The following ADGRG1 variants were observed in gnomAD, a reference collection of about 807,000 sequenced individuals.
ADGRG1 encodes the protein adhesion G protein-coupled receptor G1, also known as 7-transmembrane protein with no EGF-like N-terminal domains-1.
In ADGRG1, 53 loss-of-function variants were observed where a neutral mutation model predicts 73.5. The ratio of observed to expected loss-of-function variants is 0.72; its 90% CI spans 0.58 to 0.91. The LOEUF (loss-of-function observed/expected upper bound fraction) is 0.91. ADGRG1 is among the 40% of genes least tolerant of loss of function. The pLI is 0.00. For missense variants in ADGRG1, 795 were observed against 871.8 expected (o/e 0.91, Z 1.11); for synonymous variants, 394 against 374.4 (o/e 1.05, Z -0.60).
intron 1 of ADGRG1, among the ~76,000 whole-genome samples, chr16:57,638,294 A>C (rs755869848): frequency 3.3e-5 from 5 of 152,160 alleles, no homozygotes; most frequent in Admixed American, 1.3e-4. Flanking sequence ...GGCTCACAGC[A>C]AGTCACATCC....
chr16:57,622,807 G>C (rs1195187768), upstream of ADGRG1: 1 of 985,350 alleles, frequency 1.0e-6, no homozygotes, highest in South Asian at 4.7e-5. Flanking sequence ...CTCAGGCAGC[G>C]GGGCACCCAG....
At chr16:57,627,002 C>T, upstream of ADGRG1, 1 of 985,302 alleles carries the variant, frequency 1.0e-6, no homozygotes, top group Non-Finnish European at 1.2e-6. Context: ...GGCCCAGTCC[C>T]CACTGTGCCT....
intron 1 of ADGRG1, chr16:57,630,930 G>A: frequency 1.0e-6 from 1 of 984,760 alleles, no homozygotes; most frequent in Non-Finnish European, 1.2e-6. Context: ...TCATTTCATG[G>A]GACTTGATGA....
At chr16:57,643,786 C>A (rs3785327) in intron 1 of ADGRG1, 100,992 of 983,650 alleles carry the variant, frequency 0.1, 5,844 homozygotes, top group East Asian at 0.38. Context: ...CTTGGACTTC[C>A]GTCACTCACT....
chr16:57,627,791 C>T (rs1456996663), upstream of ADGRG1: 1 of 985,456 alleles, frequency 1.0e-6, no homozygotes, highest in Non-Finnish European at 1.2e-6. Flanking sequence ...AGCCTCCTGA[C>T]TCGAGAAGGG....
chr16:57,640,931 G>A (rs1172836590), intron 1 of ADGRG1: 10 of 985,484 alleles, frequency 1.0e-5, no homozygotes, highest in Non-Finnish European at 1.2e-5. Context: ...CTTGGGCAAC[G>A]TGGGAACACA....
At chr16:57,656,675 C>A in intron 9 of ADGRG1, 58 bp downstream of exon 9, 2 of 1,030,862 alleles carry the variant, frequency 1.9e-6, no homozygotes, top group Non-Finnish European at 3.1e-6. Context: ...TTGTTCTGTG[C>A]AAGCACTTTT....
chr16:57,660,365 G>C (rs1479622839), intron 11 of ADGRG1: 1 of 984,954 alleles, frequency 1.0e-6, no homozygotes, highest in Non-Finnish European at 1.2e-6. Context: ...GCCCCCTCTA[G>C]GGAGCTTCTA....
chr16:57,631,685 T>TG (rs1220750442), intron 1 of ADGRG1: 5 of 917,008 alleles, frequency 5.5e-6, no homozygotes, highest in East Asian at 1.4e-4. Context: ...AGATGGCAAA[T>TG]GGGGGGCGGG....
chr16:57,658,873 GTGGGACTCCAGGA>G (rs1366091600), intron 10 of ADGRG1: 62 of 759,850 alleles, frequency 8.2e-5, no homozygotes, highest in Admixed American at 1.9e-4. Flanking sequence ...GCAGGGCAGG[GTGGGACTCCAGGA>G]TGGTGACACT....
At chr16:57,643,703 A>G in intron 1 of ADGRG1, 1 of 985,094 alleles carries the variant, frequency 1.0e-6, no homozygotes, top group Non-Finnish European at 1.2e-6. Context: ...AAAATTCCTG[A>G]AAACTGAAGT....
Position 57,647,871 on chromosome 16 carries a change from A to G in ADGRG1, c.-35-2382A>G, listed in dbSNP as rs974707363. 2.6e-5 allele frequency: 15 copies of G among 577,092 alleles called. No individual in the cohort carries two copies. In the Admixed American group the frequency reaches 3.8e-4, roughly 15 times the overall value. 35.7% of individuals were successfully genotyped at this position (577,092 alleles called of 1,614,324 possible). A position where few individuals can be genotyped will look rare whatever the true frequency, so the allele number is the denominator to read the frequency against. ...TTGTCGCTTCACTTGTTTCCTTCCA[A>G]TGATGGGGAGCTCTCTACCTGTACT... On this transcript the variant is annotated intron_variant, in intron 1 of 13. Coordinates refer to ENST00000562631, the MANE Select transcript of ADGRG1 (RefSeq NM_201525.4).
chr16:57,633,190 G>A, intron 1 of ADGRG1: 5 of 466,660 alleles, frequency 1.1e-5, no homozygotes, highest in Non-Finnish European at 1.1e-5. Context: ...CAGGGTTGCT[G>A]TGGAATTTGG....
At chr16:57,633,017 A>G in intron 1 of ADGRG1, 1 of 909,198 alleles carries the variant, frequency 1.1e-6, no homozygotes, top group Non-Finnish European at 1.3e-6. Flanking sequence ...TCCCGTCCCC[A>G]GGTCTCTGTC....
intron 1 of ADGRG1, chr16:57,647,276 T>C: frequency 1.0e-6 from 1 of 985,322 alleles, no homozygotes; most frequent in Non-Finnish European, 1.2e-6. Context: ...AACCTTCCAT[T>C]GCACTCTCCC....
rs1323677593 is a variant in ADGRG1 at position 57,659,473 on chromosome 16, G to A, written c.1347G>A (p.Leu449=). ...TGAACCTGCTGCTGGCCGTCTTCCT[G>A]CTGGACACGAGCTTCCTGCTCAGCG... The part of the protein sequence containing the change: ...VHMNLLLAVF[L]LDTSFLLSEP... Residue 449 remains leucine (L), a synonymous_variant, in exon 11 of 14, where the codon CTG becomes CTA. Coordinates refer to ENST00000562631, the MANE Select transcript of ADGRG1 (RefSeq NM_201525.4). The A allele has an allele frequency of 6.2e-7, 1 of 1,613,736 alleles. No homozygotes were observed. The highest frequency in any genetic ancestry group is 8.5e-7 in the Non-Finnish European group (1 of 1,179,984).
intron 1 of ADGRG1, among the ~76,000 whole-genome samples, chr16:57,637,054 C>T (rs2039537353): frequency 6.6e-6 from 1 of 152,072 alleles, no homozygotes; most frequent in South Asian, 2.1e-4. Flanking sequence ...ACGCAAAGAC[C>T]CTGAGGTGTG....
rs2044821328 is a variant in ADGRG1, at chr16:57,654,024, G to A, written c.659G>A (p.Arg220Lys). 2 of 1,614,010 alleles carry A rather than the reference G, an allele frequency of 1.2e-6. No homozygotes were observed. Among genetic ancestry groups the A allele is most frequent in the Non-Finnish European group, 1.7e-6 (2 of 1,180,034 alleles). The change falls in exon 5 of 14, where the codon AGA (arginine) becomes AAA (lysine). Residue 220 changes from arginine to lysine, a missense_variant. Transcript: ENST00000562631. ...QSLESKLTSV[R>K]FMGDMVSFEE... ...CTGGAGTCGAAACTGACCTCTGTGA[G>A]ATTCATGGGGGACATGGTGTCCTTC...
chr16:57,652,844 T>G, intron 3 of ADGRG1: 1 of 1,128,470 alleles, frequency 8.9e-7, no homozygotes, highest in South Asian at 2.1e-5. Flanking sequence ...CTGGTGGGTG[T>G]GGAGTCCCAG....
Sources: allele counts gnomAD v4.1 joint callset (sites outside exome capture counted in the v4.1 genomes callset), GRCh38; gene constraint gnomAD v4.1.1; transcripts MANE v1.5; gene names NCBI Gene and HGNC (gene_info 2026-07-23, HGNC 2026-07-21).